Variants in RACGAP1 observed in about 807,000 individuals in gnomAD.
RACGAP1 encodes Rac GTPase activating protein 1, also known as rac GTPase-activating protein 1.
Under a neutral mutation model 78.1 loss-of-function variants are expected in RACGAP1, and 30 were observed. The observed-to-expected ratio is 0.38, with a 90% CI of 0.29 to 0.52. The LOEUF (loss-of-function observed/expected upper bound fraction) is 0.52, where lower values mean the gene tolerates loss of function less well. RACGAP1 is among the 20% of genes least tolerant of loss of function. RACGAP1 has a pLI of 0.82. For missense variants in RACGAP1, 587 were observed against 777.1 expected (o/e 0.76, Z 2.91); for synonymous variants, 231 against 264.8 (o/e 0.87, Z 1.24).
intron 5 of RACGAP1, chr12:50,002,514 T>C: frequency 2.5e-6 from 1 of 407,776 alleles, no homozygotes; most frequent in South Asian, 5.7e-5. Flanking sequence ...GCTATTATAA[T>C]AAAATCAGGA....
chr12:49,995,369 C>CAA lies in RACGAP1; in HGVS notation c.1045-862_1045-861dup, dbSNP rs200462419. ...CTCTCAAAAACAAAACAAAACAAAACAAAACAAAACAAAATGTACAGGCAT... is the reference window on the plus strand; with the variant it reads ...CTCTCAAAAACAAAACAAAACAAAACAAAAAACAAAACAAAATGTACAGGCAT... On this transcript the variant is annotated intron_variant, in intron 10 of 16. Transcript: ENST00000312377. Among the ~76,000 whole-genome samples, 150 of 151,902 alleles carry CAA rather than the reference C, an allele frequency of 9.9e-4. 1 individual carries two copies. The highest frequency in any genetic ancestry group is 3.6e-3 in the African/African-American group (147 of 41,390).
chr12:49,991,481 T>TATATATATATATATATATA (rs1592124066), intron 15 of RACGAP1, among the ~76,000 whole-genome samples: 6 of 9,190 alleles, frequency 6.5e-4, no homozygotes, highest in East Asian at 4.5e-3. Context: ...ATATATATAT[T>TATATATATATATATATATA]TTTTTTTTTT....
rs1947779650 is a variant in RACGAP1 at position 49,990,703 on chromosome 12, G to A, written c.1804C>T (p.Leu602Phe). Residue 602 changes from leucine (L) to phenylalanine (F), a missense_variant, in exon 16 of 17, where the codon CTC becomes TTC. Leu to Phe is a conservative substitution (Grantham distance 22). Transcript: ENST00000312377. ...SSLSQRVRST[L>F]TKNTPRFGSK... is the part of the protein sequence containing the mutation. The stretch of plus-strand genomic sequence containing the variant: ...GCATACCTAGGAGTGTTCTTGGTGA[G>A]GGTGGAACGGACTCTCTGTGACAGG... 6.2e-7 allele frequency: 1 copy of A among 1,613,000 alleles called. No homozygotes were observed. The highest frequency in any genetic ancestry group is 8.5e-7 in the Non-Finnish European group (1 of 1,179,012).
In RACGAP1 at chr12:50,032,392, G is replaced by A. The variant is rs147891927; in HGVS notation, c.-194-525C>T. On this transcript the variant is annotated intron_variant, in intron 1 of 3. Transcript: ENST00000548247. ...GGAGGTGAGTTAAGTTCAATAGGACGGTGTCCCAAATAATGGATGGGGGTT... is the reference window on the plus strand; with the variant it reads ...GGAGGTGAGTTAAGTTCAATAGGACAGTGTCCCAAATAATGGATGGGGGTT... 1.6e-3 allele frequency among the ~76,000 whole-genome samples: 245 copies of A among 152,210 alleles called. 4 individuals carry two copies. The highest frequency in any genetic ancestry group is 0.014 in the Admixed American group (207 of 15,290).
At chr12:50,006,406 C>G (rs1234591800) in intron 3 of RACGAP1, 28 bp downstream of exon 3, 1 of 1,612,252 alleles carries the variant, frequency 6.2e-7, no homozygotes, top group Non-Finnish European at 8.5e-7. Context: ...TGCATCATCA[C>G]TGTTCTAGCA....
intron 2 of RACGAP1, among the ~76,000 whole-genome samples, chr12:50,010,070 C>A (rs1353630079): frequency 1.3e-5 from 2 of 152,168 alleles, no homozygotes; most frequent in Admixed American, 6.5e-5. Flanking sequence ...TAGTGTAGCA[C>A]AAACCTAGTA....
chr12:50,015,527 C>A (rs981373060), intron 2 of RACGAP1, among the ~76,000 whole-genome samples: 1 of 152,054 alleles, frequency 6.6e-6, no homozygotes, highest in Non-Finnish European at 1.5e-5. Context: ...TAAGGCCAGG[C>A]GCAGTGGCTC....
In RACGAP1 at chr12:49,994,335, A is replaced by G; in HGVS notation, c.1141-6T>C. 6.2e-7 allele frequency: 1 copy of G among 1,613,042 alleles called. No individual in the cohort carries two copies. Among genetic ancestry groups the G allele is most frequent in the Non-Finnish European group, 8.5e-7 (1 of 1,179,740 alleles). ...GAGATCCTATACAGGCCTGTCTATT[A>G]TCAAGATGACATTTTTATTTAAAAA... On this transcript the variant is annotated splice_polypyrimidine_tract_variant and splice_region_variant and intron_variant, in intron 11 of 16. Transcript: ENST00000312377.
chr12:50,032,976 A>G (rs1200539202), exon 1 of RACGAP1: 2 of 152,184 alleles, frequency 1.3e-5, no homozygotes, highest in Non-Finnish European at 2.9e-5. Flanking sequence ...TCACCTCCCC[A>G]GGGGCGGCCG....
intron 1 of RACGAP1, among the ~76,000 whole-genome samples, chr12:50,022,012 C>G (rs903423498): frequency 6.6e-6 from 1 of 152,156 alleles, no homozygotes; most frequent in Non-Finnish European, 1.5e-5. Flanking sequence ...ACAAAATGTT[C>G]TCAATCCAAC....
intron 12 of RACGAP1, among the ~76,000 whole-genome samples, chr12:49,993,817 C>T (rs1448787002): frequency 1.3e-5 from 2 of 150,232 alleles, no homozygotes; most frequent in African/African-American, 4.9e-5. Context: ...GAGGCCGAGG[C>T]AGGCAAATCA....
intron 2 of RACGAP1, among the ~76,000 whole-genome samples, chr12:50,015,877 G>A (rs1389182497): frequency 1.3e-5 from 2 of 150,106 alleles, no homozygotes; most frequent in African/African-American, 4.9e-5. Context: ...CGCAACCTGG[G>A]TGACAGAATG....
upstream of RACGAP1, among the ~76,000 whole-genome samples, chr12:50,027,598 C>A (rs1158837729): frequency 2.6e-5 from 4 of 152,068 alleles, no homozygotes; most frequent in South Asian, 4.1e-4. Context: ...GAAGCCGAGG[C>A]GGGTGGATCG....
intron 7 of RACGAP1, 110 bp downstream of exon 7, chr12:50,001,062 A>T (rs1325558367): frequency 3.2e-6 from 3 of 932,978 alleles, no homozygotes; most frequent in Non-Finnish European, 4.7e-6. Flanking sequence ...AAACAAACAA[A>T]AACTTTAACT....
intron 2 of RACGAP1, among the ~76,000 whole-genome samples, chr12:50,014,811 G>C (rs990284519): frequency 6.6e-6 from 1 of 151,850 alleles, no homozygotes; most frequent in Admixed American, 6.6e-5. Context: ...GGGAGGCTGT[G>C]GTGGGCTGAT....
At chr12:50,022,239 A>G (rs769754790) in intron 1 of RACGAP1, among the ~76,000 whole-genome samples, 3 of 152,220 alleles carry the variant, frequency 2.0e-5, no homozygotes, top group Non-Finnish European at 4.4e-5. Flanking sequence ...ACATTCATTT[A>G]GCAGATACAA....
Position 50,021,128 on chromosome 12 carries a change from A to G in RACGAP1, c.-5+4270T>C, listed in dbSNP as rs11169257. On this transcript the variant is annotated intron_variant, in intron 1 of 16. Transcript: ENST00000312377. ...GGGTCACATTTTCACCCTCATGAAT[A>G]CTTGTTTATTTCCCCCCATGTATTA... is the stretch of plus-strand genomic sequence containing the variant. 13,234 of 983,550 alleles carry G rather than the reference A, an allele frequency of 0.013. 1,403 individuals carry two copies. In the African/African-American group the frequency reaches 0.22, roughly 16 times the overall value. The allele number at this position is 983,550 out of a possible 1,614,324, so 60.9% of individuals were successfully genotyped here.
upstream of RACGAP1, among the ~76,000 whole-genome samples, chr12:50,028,911 G>A (rs1209180132): frequency 6.6e-6 from 1 of 151,678 alleles, no homozygotes; most frequent in Non-Finnish European, 1.5e-5. Context: ...GTGAAACCCT[G>A]TCTCTACTAA....
At chr12:50,011,953 CAAAAAAA>C (rs771572498) in intron 2 of RACGAP1, among the ~76,000 whole-genome samples, 15 of 34,502 alleles carry the variant, frequency 4.3e-4, no homozygotes, top group East Asian at 9.2e-4. Context: ...GACTCCGTCT[CAAAAAAA>C]AAAAAAAAAA....
Sources: allele counts gnomAD v4.1 joint callset (sites outside exome capture counted in the v4.1 genomes callset), GRCh38; gene constraint gnomAD v4.1.1; transcripts MANE v1.5; gene names NCBI Gene and HGNC (gene_info 2026-07-23, HGNC 2026-07-21).